Variants in AUTS2 observed in about 807,000 individuals in gnomAD.
AUTS2 encodes activator of transcription and developmental regulator AUTS2.
A neutral mutation model predicts 112.4 loss-of-function variants in AUTS2; 17 were observed. That is an observed-to-expected ratio of 0.15 (90% confidence interval 0.10 to 0.23). The LOEUF (loss-of-function observed/expected upper bound fraction) is 0.23, where lower values mean the gene tolerates loss of function less well. Among genes scored for constraint, AUTS2 ranks in the 10% least tolerant of loss-of-function variants. AUTS2 has a pLI of 1.00. For missense variants in AUTS2, 1,510 were observed against 1,701.6 expected (o/e 0.89, Z 1.98); for synonymous variants, 751 against 702.7 (o/e 1.07, Z -1.09).
At chr7:70,679,571 A>G (rs965578145) in intron 5 of AUTS2, among the ~76,000 whole-genome samples, 2 of 151,458 alleles carry the variant, frequency 1.3e-5, no homozygotes, top group Non-Finnish European at 2.9e-5. Flanking sequence ...TGTCTATGCA[A>G]TAAGTTCTTT....
At chr7:70,278,014 G>C (rs966546702) in intron 4 of AUTS2, among the ~76,000 whole-genome samples, 2 of 151,390 alleles carry the variant, frequency 1.3e-5, no homozygotes, top group Non-Finnish European at 2.9e-5. Context: ...ATGCTTAGTA[G>C]GCATTTGGAG....
At chr7:70,404,693 AC>A (rs1477426462) in intron 4 of AUTS2, among the ~76,000 whole-genome samples, 8 of 151,950 alleles carry the variant, frequency 5.3e-5, no homozygotes, top group African/African-American at 1.5e-4. Context: ...ATTTGGGGGG[AC>A]CCTGTTCACC....
intron 1 of AUTS2, among the ~76,000 whole-genome samples, chr7:69,748,823 TAATG>T (rs1787617979): frequency 6.6e-6 from 1 of 152,020 alleles, no homozygotes; most frequent in Non-Finnish European, 1.5e-5. Context: ...TAGAGGGAAA[TAATG>T]AGTGTGTCAG....
intron 11 of AUTS2, among the ~76,000 whole-genome samples, chr7:70,773,199 C>T (rs1001102238): frequency 2.6e-5 from 4 of 152,072 alleles, no homozygotes; most frequent in Non-Finnish European, 5.9e-5. Context: ...AGGCAAGCTT[C>T]GGGCCTAAAC....
intron 3 of AUTS2, among the ~76,000 whole-genome samples, chr7:70,127,207 C>T (rs904104818): frequency 6.6e-6 from 1 of 152,176 alleles, no homozygotes; most frequent in African/African-American, 2.4e-5. Context: ...GATCACAGCT[C>T]ACTGCAACCT....
At position 70,162,534 on chromosome 7, in the gene AUTS2, A is replaced by G. The variant is rs151013306; in HGVS notation, c.660+27963A>G. On this transcript the variant is annotated intron_variant, in intron 4 of 18. Transcript: ENST00000342771. Reference sequence around the variant, plus strand: ...AACTGATCATGAAGTTTAAAATTCTATGTTGTTCCCCTTCTTGGTTCTTGT... The same window carrying G: ...AACTGATCATGAAGTTTAAAATTCTGTGTTGTTCCCCTTCTTGGTTCTTGT... 1.6e-3 allele frequency among the ~76,000 whole-genome samples: 229 copies of G among 141,066 alleles called. 1 individual carries two copies. The highest frequency in any genetic ancestry group is 5.0e-3 in the African/African-American group (197 of 39,208). 92.5% of individuals were successfully genotyped at this position (141,066 alleles called of 152,430 possible).
chr7:69,994,022 T>C (rs937622612), intron 2 of AUTS2, among the ~76,000 whole-genome samples: 3 of 152,142 alleles, frequency 2.0e-5, no homozygotes, highest in Non-Finnish European at 4.4e-5. Flanking sequence ...CTTGTGATGG[T>C]TGTATACATG....
rs745822768 is a variant in AUTS2 at position 69,599,905 on chromosome 7, A to G, written c.252A>G (p.Glu84=). The G allele has an allele frequency of 6.2e-7, 1 of 1,613,600 alleles. No homozygotes were observed. Among genetic ancestry groups the G allele is most frequent in the East Asian group, 2.2e-5 (1 of 44,846 alleles). Residue 84 remains glutamate (E), a synonymous_variant, in exon 1 of 19, where the codon GAA becomes GAG. Coordinates refer to ENST00000342771, the MANE Select transcript of AUTS2 (RefSeq NM_015570.4). This position sits in a 1 kb window ranked among gnomAD's most constrained non-coding sequence, Gnocchi z 7.0. ...AGCGGAGAGAGTCCACCTCGGCAGA[A>G]GAGGACATCATTGATGGATTTGCCA... ...RRKRRESTSA[E]EDIIDGFAMT... is the part of the protein sequence containing the mutation.
At chr7:69,975,898 G>T (rs1798040187) in intron 2 of AUTS2, among the ~76,000 whole-genome samples, 1 of 151,898 alleles carries the variant, frequency 6.6e-6, no homozygotes, top group Admixed American at 6.6e-5. Context: ...ATGTTGGCCA[G>T]GCTGGTCTTG....
At chr7:70,059,566 C>T (rs1266786958) in intron 2 of AUTS2, among the ~76,000 whole-genome samples, 1 of 152,004 alleles carries the variant, frequency 6.6e-6, no homozygotes, top group African/African-American at 2.4e-5. Context: ...ATATGAGAAT[C>T]GAGGATCTGG....
intron 1 of AUTS2, among the ~76,000 whole-genome samples, chr7:69,635,491 G>C (rs1398538401): frequency 6.6e-6 from 1 of 152,166 alleles, no homozygotes; most frequent in Admixed American, 6.5e-5. Flanking sequence ...GTCTGTATGT[G>C]GGGTCAGTCT....
chr7:70,095,730 G>A (rs994337401), intron 2 of AUTS2, among the ~76,000 whole-genome samples: 4 of 152,056 alleles, frequency 2.6e-5, no homozygotes, highest in African/African-American at 9.7e-5. Flanking sequence ...AAAATTTGTT[G>A]AGGGCTTCTA....
intron 14 of AUTS2, 121 bp downstream of exon 14, chr7:70,777,295 G>C: frequency 1.1e-6 from 1 of 883,224 alleles, no homozygotes; most frequent in Non-Finnish European, 1.8e-6. Context: ...AGTTAGGAAG[G>C]ATCAAGCCTC....
chr7:70,077,871 G>T (rs12698842), intron 2 of AUTS2, among the ~76,000 whole-genome samples: 51,567 of 151,926 alleles, frequency 0.34, 8,964 homozygotes, highest in African/African-American at 0.39. Flanking sequence ...TCCAGACCCT[G>T]GGATGTCTGG....
At chr7:70,308,378 GTA>G (rs1248946323) in intron 4 of AUTS2, among the ~76,000 whole-genome samples, 2 of 152,206 alleles carry the variant, frequency 1.3e-5, no homozygotes, top group African/African-American at 4.8e-5. Context: ...CAGGGTTTCA[GTA>G]GTAAAGTATA....
At chr7:70,187,775 C>CTTTTTTTT (rs71077627) in intron 4 of AUTS2, among the ~76,000 whole-genome samples, 12 of 110,316 alleles carry the variant, frequency 1.1e-4, no homozygotes, top group South Asian at 3.2e-4. Flanking sequence ...AACTAGTCTT[C>CTTTTTTTT]TTTTTTTTTT....
chr7:70,787,448 C>T lies in AUTS2; in HGVS notation c.2531+17C>T. On this transcript the variant is annotated intron_variant, in intron 18 of 18. Coordinates refer to ENST00000342771, the MANE Select transcript of AUTS2 (RefSeq NM_015570.4). Reference sequence around the variant, plus strand: ...CAAAGAAAGGTACGGAAAGAAACCGCTCTCGAGTCCCCACGGGGGAGCCTG... The same window carrying T: ...CAAAGAAAGGTACGGAAAGAAACCGTTCTCGAGTCCCCACGGGGGAGCCTG... 3 of 1,568,456 alleles carry T rather than the reference C, an allele frequency of 1.9e-6. No individual in the cohort carries two copies. Among genetic ancestry groups the T allele is most frequent in the Non-Finnish European group, 2.6e-6 (3 of 1,145,146 alleles).
At chr7:70,419,977 T>A (rs1002446052) in intron 4 of AUTS2, among the ~76,000 whole-genome samples, 2 of 152,214 alleles carry the variant, frequency 1.3e-5, no homozygotes, top group African/African-American at 4.8e-5. Context: ...AGAGAAAAGA[T>A]GCTCCAGTGA....
chr7:70,104,583 A>G (rs1005035331), intron 2 of AUTS2, among the ~76,000 whole-genome samples: 9 of 152,170 alleles, frequency 5.9e-5, no homozygotes, highest in Admixed American at 4.6e-4. Context: ...TGTGTTTTTA[A>G]TTGTTCAGGA....
Sources: gnomAD v4.1 joint callset for allele counts (sites outside exome capture counted in the v4.1 genomes callset) on GRCh38, gnomAD v4.1.1 for gene constraint, Gnocchi (gnomAD v3.1) non-coding constraint, MANE v1.5 for transcripts, NCBI Gene and HGNC (gene_info 2026-07-23, HGNC 2026-07-21) for gene names.